CLSTN2: variants seen among roughly 807,000 people sequenced by gnomAD.
CLSTN2 encodes calsyntenin 2, also known as calsyntenin-2.
In CLSTN2, 48 loss-of-function variants were observed where a neutral mutation model predicts 101.2. The ratio of observed to expected loss-of-function variants is 0.47; its 90% CI spans 0.38 to 0.60. The LOEUF (loss-of-function observed/expected upper bound fraction) is 0.60. Among genes scored for constraint, CLSTN2 ranks in the 20% least tolerant of loss-of-function variants. CLSTN2 has a pLI of 0.00. For missense variants in CLSTN2, 1,160 were observed against 1,238.2 expected, an observed-to-expected ratio of 0.94 and a Z score of 0.95; for synonymous variants, 481 against 463.6, an observed-to-expected ratio of 1.04 and a Z score of -0.48.
At chr3:140,434,459 G>A (rs2088667874) in intron 5 of CLSTN2, among the ~76,000 whole-genome samples, 1 of 152,178 alleles carries the variant, frequency 6.6e-6, no homozygotes, top group African/African-American at 2.4e-5. Flanking sequence ...GTGGTGAGGT[G>A]AGGGCAGACA....
At chr3:140,425,385 G>A (rs1416047490) in intron 5 of CLSTN2, among the ~76,000 whole-genome samples, 1 of 152,234 alleles carries the variant, frequency 6.6e-6, no homozygotes, top group Non-Finnish European at 1.5e-5. Context: ...AGGACCAGAA[G>A]AGGCTTTCTC....
chr3:140,344,739 C>T (rs1213865829), intron 2 of CLSTN2, among the ~76,000 whole-genome samples: 1 of 152,196 alleles, frequency 6.6e-6, no homozygotes, highest in Admixed American at 6.5e-5. Context: ...AACCTCATCA[C>T]ACTGCATATA....
chr3:140,426,048 C>T (rs2088562176), intron 5 of CLSTN2, among the ~76,000 whole-genome samples: 1 of 152,224 alleles, frequency 6.6e-6, no homozygotes, highest in Non-Finnish European at 1.5e-5. Context: ...GCACCTGCAG[C>T]AGGTCGCATG....
intron 1 of CLSTN2, among the ~76,000 whole-genome samples, chr3:140,022,832 C>T (rs1417486165): frequency 6.6e-6 from 1 of 152,206 alleles, no homozygotes; most frequent in Non-Finnish European, 1.5e-5. Context: ...GCATGAGCCT[C>T]TCCAGACAGG....
At position 140,572,571 on chromosome 3, in the gene CLSTN2, A is replaced by G. The variant is rs347975; in HGVS notation, c.*6318A>G. On this transcript the variant is annotated 3_prime_UTR_variant, in exon 17 of 17. Coordinates refer to ENST00000458420, the MANE Select transcript of CLSTN2 (RefSeq NM_022131.3). ...GAAGATCTAAGGAGGGCCCACCTCC[A>G]CGAGACCTGCTGAGGGCTTACATTT... 74,182 of 152,084 alleles carry G rather than the reference A, an allele frequency of 0.49. 22,328 individuals carry two copies. Among genetic ancestry groups the G allele is most frequent in the African/African-American group, 0.82 (34,140 of 41,486 alleles). 9.4% of individuals were successfully genotyped at this position (152,084 alleles called of 1,614,324 possible).
intron 1 of CLSTN2, among the ~76,000 whole-genome samples, chr3:140,116,179 A>G (rs917752761): frequency 1.3e-5 from 2 of 152,174 alleles, no homozygotes; most frequent in African/African-American, 4.8e-5. Flanking sequence ...CTCATCTACA[A>G]ATCTCCTGGT....
intron 2 of CLSTN2, among the ~76,000 whole-genome samples, chr3:140,230,737 A>C (rs996991751): frequency 6.6e-6 from 1 of 152,200 alleles, no homozygotes; most frequent in Non-Finnish European, 1.5e-5. Context: ...CACCCAGTTC[A>C]TGGTATTTTG....
intron 6 of CLSTN2, 78 bp from the exon 7 acceptor site, chr3:140,459,443 C>G: frequency 6.5e-7 from 1 of 1,533,806 alleles, no homozygotes; most frequent in African/African-American, 1.4e-5. Flanking sequence ...CTGAGTAGTT[C>G]ACCTTGACCC....
intron 1 of CLSTN2, among the ~76,000 whole-genome samples, chr3:139,973,901 T>C (rs985540220): frequency 6.6e-6 from 1 of 152,014 alleles, no homozygotes; most frequent in Non-Finnish European, 1.5e-5. Flanking sequence ...CCTCCCAAAG[T>C]ATTGGGATTA....
chr3:140,295,400 A>G (rs1224048671), intron 2 of CLSTN2, among the ~76,000 whole-genome samples: 1 of 152,176 alleles, frequency 6.6e-6, no homozygotes, highest in African/African-American at 2.4e-5. Flanking sequence ...TCTGTTTGTC[A>G]TAGTTTTTCC....
chr3:140,001,243 C>A (rs1398566772), intron 1 of CLSTN2, among the ~76,000 whole-genome samples: 1 of 152,064 alleles, frequency 6.6e-6, no homozygotes, highest in Non-Finnish European at 1.5e-5. Flanking sequence ...TCCCACAGAG[C>A]TCTTGTGCTC....
At chr3:140,022,953 A>T (rs1483489586) in intron 1 of CLSTN2, among the ~76,000 whole-genome samples, 2 of 152,170 alleles carry the variant, frequency 1.3e-5, no homozygotes, top group Non-Finnish European at 2.9e-5. Context: ...TGCATCTCTA[A>T]TATAGCAAAG....
chr3:140,097,679 C>T (rs2008892328), intron 1 of CLSTN2, among the ~76,000 whole-genome samples: 1 of 152,204 alleles, frequency 6.6e-6, no homozygotes, highest in African/African-American at 2.4e-5. Context: ...CTCCTCTCAA[C>T]TAGCGTCAAT....
intron 2 of CLSTN2, among the ~76,000 whole-genome samples, chr3:140,325,889 G>A (rs950931170): frequency 6.6e-6 from 1 of 152,132 alleles, no homozygotes; most frequent in Non-Finnish European, 1.5e-5. Flanking sequence ...TTTGTTCAGT[G>A]TACTCTCGTG....
chr3:140,080,465 G>A (rs986984719), intron 1 of CLSTN2, among the ~76,000 whole-genome samples: 10 of 152,146 alleles, frequency 6.6e-5, no homozygotes, highest in East Asian at 5.8e-4. Flanking sequence ...TTCTTTGAGC[G>A]ACAGTGGGTC....
chr3:140,223,703 T>C (rs1433647571), intron 2 of CLSTN2, among the ~76,000 whole-genome samples: 1 of 152,206 alleles, frequency 6.6e-6, no homozygotes, highest in Non-Finnish European at 1.5e-5. Context: ...CTAAAATAAA[T>C]ACTTCTAACT....
chr3:140,329,530 A>G (rs543715590), intron 2 of CLSTN2, among the ~76,000 whole-genome samples: 2 of 152,234 alleles, frequency 1.3e-5, no homozygotes, highest in Non-Finnish European at 2.9e-5. Flanking sequence ...TTCACAGAAC[A>G]AACTCTAACC....
At chr3:140,464,899 G>A (rs1051897477) in intron 7 of CLSTN2, among the ~76,000 whole-genome samples, 2 of 152,136 alleles carry the variant, frequency 1.3e-5, no homozygotes, top group African/African-American at 4.8e-5. Context: ...TCTCCTTCCT[G>A]CCATCCTTTG....
chr3:140,564,683 C>A (rs1559906506), intron 16 of CLSTN2, among the ~76,000 whole-genome samples: 1 of 152,224 alleles, frequency 6.6e-6, no homozygotes, highest in East Asian at 1.9e-4. Flanking sequence ...CTTCCAACAG[C>A]CAATAAAATA....
Sources: gnomAD v4.1 joint callset for allele counts (sites outside exome capture counted in the v4.1 genomes callset) on GRCh38, gnomAD v4.1.1 for gene constraint, MANE v1.5 for transcripts, NCBI Gene and HGNC (gene_info 2026-07-23, HGNC 2026-07-21) for gene names.